Variants in CA10 observed in about 807,000 individuals in gnomAD.
The protein encoded by CA10 is carbonic anhydrase-related protein 10.
CA10 carries 14 observed loss-of-function variants against 44.2 expected under a neutral mutation model. The observed-to-expected ratio is 0.32, with a 90% confidence interval of 0.21 to 0.50. The LOEUF is 0.50. Among genes scored for constraint, CA10 ranks in the 20% least tolerant of loss-of-function variants. The pLI is 0.99. For missense variants in CA10, 350 were observed against 409.7 expected, an observed-to-expected ratio of 0.85 and a Z score of 1.26; for synonymous variants, 159 against 141.6, an observed-to-expected ratio of 1.12 and a Z score of -0.87.
At chr17:51,643,254 T>C (rs1476091103) in intron 6 of CA10, among the ~76,000 whole-genome samples, 1 of 152,176 alleles carries the variant, frequency 6.6e-6, no homozygotes, top group Admixed American at 6.6e-5. Context: ...TTAATTGGGA[T>C]TCTGTTAATT....
intron 2 of CA10, among the ~76,000 whole-genome samples, chr17:52,013,611 C>T (rs1040619282): frequency 1.3e-5 from 2 of 151,860 alleles, no homozygotes; most frequent in Non-Finnish European, 2.9e-5. Context: ...AAATAGATTA[C>T]CATCCAAGAA....
At chr17:51,886,757 T>A (rs1317098216) in intron 3 of CA10, among the ~76,000 whole-genome samples, 1 of 152,186 alleles carries the variant, frequency 6.6e-6, no homozygotes, top group African/African-American at 2.4e-5. Flanking sequence ...AATTATCCAA[T>A]CTGTTGAAAG....
intron 2 of CA10, among the ~76,000 whole-genome samples, chr17:51,964,450 T>C (rs544714592): frequency 6.6e-6 from 1 of 152,062 alleles, no homozygotes; most frequent in South Asian, 2.1e-4. Flanking sequence ...AACCACAGAA[T>C]ATACATTCTT....
At chr17:51,904,778 G>A (rs192898539) in intron 3 of CA10, among the ~76,000 whole-genome samples, 195 of 152,110 alleles carry the variant, frequency 1.3e-3, no homozygotes, top group Middle Eastern at 6.8e-3. Context: ...TCTATCCTAC[G>A]CTGCTTCTGC....
Position 51,798,057 on chromosome 17 carries a change from G to A in CA10, c.280-50239C>T, listed in dbSNP as rs983338712. Among the ~76,000 whole-genome samples, 5 of 152,102 alleles carry A rather than the reference G, an allele frequency of 3.3e-5. No homozygotes were observed. The South Asian group carries it at 6.2e-4, about 19-fold the overall frequency. On this transcript the variant is annotated intron_variant, in intron 3 of 8. Transcript: ENST00000451037. ...AAAGCCCTGACAGAAATGGGACTAC[G>A]AGACTAGAAATAAATGCCTTCACCT...
At chr17:51,847,475 C>A (rs916383156) in intron 3 of CA10, among the ~76,000 whole-genome samples, 17 of 152,098 alleles carry the variant, frequency 1.1e-4, no homozygotes, top group Admixed American at 5.9e-4. Context: ...ACAGTCTCCC[C>A]AACTTTTTTC....
At chr17:51,747,536 G>T in intron 4 of CA10, 97 bp downstream of exon 4, 1 of 994,862 alleles carries the variant, frequency 1.0e-6, no homozygotes, top group Non-Finnish European at 1.5e-6. Flanking sequence ...ATAGATTAGA[G>T]CGAATCCCTT....
intron 2 of CA10, among the ~76,000 whole-genome samples, chr17:51,995,345 T>C (rs573930171): frequency 6.6e-6 from 1 of 152,204 alleles, no homozygotes; most frequent in African/African-American, 2.4e-5. Context: ...CTTCACGTAC[T>C]ACAAATAAGT....
intron 2 of CA10, among the ~76,000 whole-genome samples, chr17:52,016,105 C>T (rs1162826657): frequency 6.6e-6 from 1 of 152,184 alleles, no homozygotes; most frequent in East Asian, 1.9e-4. Context: ...TTGGAGTTTG[C>T]TGCCATAGCT....
At chr17:52,090,375 TATA>T (rs1423322235) in intron 1 of CA10, among the ~76,000 whole-genome samples, 7 of 152,170 alleles carry the variant, frequency 4.6e-5, no homozygotes, top group African/African-American at 1.7e-4. Context: ...TTTATAAAGT[TATA>T]ATAACTAATA....
intron 3 of CA10, among the ~76,000 whole-genome samples, chr17:51,785,634 A>G (rs749907840): frequency 6.6e-6 from 1 of 152,108 alleles, no homozygotes; most frequent in Non-Finnish European, 1.5e-5. Context: ...CCAAAAATAG[A>G]GTACCCTTTG....
At chr17:51,678,330 A>G (rs1914704002) in intron 4 of CA10, among the ~76,000 whole-genome samples, 1 of 152,216 alleles carries the variant, frequency 6.6e-6, no homozygotes, top group Admixed American at 6.5e-5. Context: ...GTGCCATTAA[A>G]TTGTTCACTT....
chr17:51,796,136 C>T (rs554979557), intron 3 of CA10, among the ~76,000 whole-genome samples: 1 of 152,212 alleles, frequency 6.6e-6, no homozygotes, highest in East Asian at 1.9e-4. Flanking sequence ...CACCTTCTTT[C>T]CTAACGCCAC....
chr17:51,756,889 G>T (rs1905095569), intron 3 of CA10, among the ~76,000 whole-genome samples: 1 of 152,160 alleles, frequency 6.6e-6, no homozygotes, highest in Non-Finnish European at 1.5e-5. Context: ...ACCTGGTCTA[G>T]ACCCAGGGTG....
At chr17:51,685,452 T>C (rs1373566239) in intron 4 of CA10, among the ~76,000 whole-genome samples, 1 of 152,138 alleles carries the variant, frequency 6.6e-6, no homozygotes, top group Non-Finnish European at 1.5e-5. Flanking sequence ...CAGGTACAAC[T>C]GCTCTGTGTT....
intron 2 of CA10, among the ~76,000 whole-genome samples, chr17:52,063,463 T>G (rs1987446443): frequency 6.6e-6 from 1 of 152,168 alleles, no homozygotes; most frequent in Non-Finnish European, 1.5e-5. Flanking sequence ...GAAATTTGAT[T>G]CGCAATGTTG....
chr17:51,715,292 A>C (rs1916069368), intron 4 of CA10, among the ~76,000 whole-genome samples: 1 of 152,236 alleles, frequency 6.6e-6, no homozygotes, highest in East Asian at 1.9e-4. Context: ...GGTGCAGCAC[A>C]CCAACATGGC....
At chr17:51,770,434 AAAT>A (rs992472972) in intron 3 of CA10, among the ~76,000 whole-genome samples, 2 of 151,586 alleles carry the variant, frequency 1.3e-5, no homozygotes, top group African/African-American at 2.4e-5. Flanking sequence ...GAGGGGCACG[AAAT>A]AATACCACCA....
intron 1 of CA10, among the ~76,000 whole-genome samples, chr17:52,092,529 G>A (rs1012820226): frequency 7.9e-5 from 12 of 152,184 alleles, no homozygotes; most frequent in East Asian, 1.9e-4. Flanking sequence ...CACCTTCTCC[G>A]TGATACAAGG....
Sources: allele counts gnomAD v4.1 joint callset (sites outside exome capture counted in the v4.1 genomes callset), GRCh38; gene constraint gnomAD v4.1.1; transcripts MANE v1.5; gene names NCBI Gene and HGNC (gene_info 2026-07-23, HGNC 2026-07-21).